The following CEP68 variants were observed in gnomAD, a reference collection of about 807,000 sequenced individuals.
CEP68 encodes centrosomal protein of 68 kDa.
CEP68 carries 26 observed loss-of-function variants against 55.3 expected under a neutral mutation model. The observed-to-expected ratio is 0.47, with a 90% CI of 0.34 to 0.65. The LOEUF is 0.65. CEP68 is among the 30% of genes least tolerant of loss of function. The pLI is 0.01. For synonymous variants in CEP68, 402 were observed against 383.2 expected, an observed-to-expected ratio of 1.05 and a Z score of -0.57; for missense variants, 957 against 946.7, an observed-to-expected ratio of 1.01 and a Z score of -0.14.
chr2:65,061,215 T>A (rs991951540), intron 1 of CEP68, among the ~76,000 whole-genome samples: 19 of 152,138 alleles, frequency 1.2e-4, no homozygotes, highest in African/African-American at 4.6e-4. Flanking sequence ...AGACCTTGCC[T>A]TGTAAATGAG....
chr2:65,074,528 G>A (rs765479374), intron 4 of CEP68, 124 bp downstream of exon 4: 8 of 1,367,432 alleles, frequency 5.9e-6, no homozygotes, highest in East Asian at 2.3e-5. Context: ...TATTATACCT[G>A]AAATCTAATT....
chr2:65,076,983 A>ATTTTAC lies in CEP68; in HGVS notation c.2008-882_2008-881insTACTTT, dbSNP rs1553387261. ...CACCTTGCACTAAGGGTGGTCATGG[A>ATTTTAC]TTTGACTTTACCTTTTTTTTTTTTT... On this transcript the variant is annotated intron_variant, in intron 4 of 6. Transcript: ENST00000377990. 2.8e-5 allele frequency among the ~76,000 whole-genome samples: 4 copies of ATTTTAC among 143,066 alleles called. No homozygotes were observed. The East Asian group carries it at 8.5e-4, about 30-fold the overall frequency. 93.9% of individuals were successfully genotyped at this position (143,066 alleles called of 152,430 possible).
intron 1 of CEP68, among the ~76,000 whole-genome samples, chr2:65,065,029 C>T (rs550827359): frequency 1.3e-5 from 2 of 152,346 alleles, no homozygotes; most frequent in Non-Finnish European, 1.5e-5. Context: ...CCCCAGTTGG[C>T]TCATAAACAG....
chr2:65,076,790 C>G (rs541052429), intron 4 of CEP68, among the ~76,000 whole-genome samples: 13 of 152,034 alleles, frequency 8.6e-5, no homozygotes, highest in Non-Finnish European at 1.9e-4. Context: ...ACACCAAGTT[C>G]TGGCTGGGCA....
At chr2:65,081,855 C>T (rs1304600302) in intron 5 of CEP68, among the ~76,000 whole-genome samples, 3 of 152,308 alleles carry the variant, frequency 2.0e-5, no homozygotes, top group South Asian at 2.1e-4. Flanking sequence ...CCACCACACC[C>T]GGCTAATTTT....
intron 5 of CEP68, 109 bp downstream of exon 5, chr2:65,078,073 C>A: frequency 1.4e-6 from 1 of 739,234 alleles, no homozygotes; most frequent in Non-Finnish European, 2.2e-6. Context: ...AGCCCCTGCC[C>A]ACACCCACTG....
At chr2:65,081,820 G>A (rs1375407162) in intron 5 of CEP68, among the ~76,000 whole-genome samples, 3 of 152,152 alleles carry the variant, frequency 2.0e-5, no homozygotes, top group Non-Finnish European at 4.4e-5. Context: ...TCAGCCTCCC[G>A]TGTAGCTGGG....
rs750744786 is a variant in CEP68, at chr2:65,071,431, T to G, written c.358-23T>G. 3 of 1,597,176 alleles carry G rather than the reference T, an allele frequency of 1.9e-6. No individual in the cohort carries two copies. In the South Asian group the frequency reaches 3.3e-5, roughly 18 times the overall value. On this transcript the variant is annotated intron_variant, in intron 2 of 6. Coordinates refer to ENST00000377990, the MANE Select transcript of CEP68 (RefSeq NM_015147.3). ...TGGGTTTGATTTTTACCCAAGTGCT[T>G]TTTGTCCCTTTGATCATTGCAGGTG... is the stretch of plus-strand genomic sequence containing the variant.
At chr2:65,083,162 A>G (rs1334666355) in intron 6 of CEP68, among the ~76,000 whole-genome samples, 1 of 152,184 alleles carries the variant, frequency 6.6e-6, no homozygotes, top group African/African-American at 2.4e-5. Flanking sequence ...AGAGAAACCC[A>G]GAGTTACTGA....
chr2:65,082,814 A>G, intron 6 of CEP68, 105 bp downstream of exon 6: 3 of 936,656 alleles, frequency 3.2e-6, no homozygotes, highest in Non-Finnish European at 3.1e-6. Context: ...TAAACAAATG[A>G]GATACTGGAA....
At chr2:65,061,038 G>T (rs35706442) in intron 1 of CEP68, among the ~76,000 whole-genome samples, 2,849 of 152,222 alleles carry the variant, frequency 0.019, 30 homozygotes, top group Middle Eastern at 0.027. Flanking sequence ...TTAGCCAGGC[G>T]TGGTGGTGGG....
At chr2:65,067,756 G>C (rs1224389994) in intron 1 of CEP68, among the ~76,000 whole-genome samples, 1 of 152,168 alleles carries the variant, frequency 6.6e-6, no homozygotes, top group Non-Finnish European at 1.5e-5. Context: ...CATTTGAGCT[G>C]TATATTACCT....
intron 1 of CEP68, among the ~76,000 whole-genome samples, chr2:65,068,458 C>T (rs559832709): frequency 5.9e-5 from 9 of 152,332 alleles, no homozygotes; most frequent in African/African-American, 1.9e-4. Flanking sequence ...TACCCTACCA[C>T]TGTTACCCAC....
In CEP68 at chr2:65,071,879, G is replaced by T. The variant is rs765047303; in HGVS notation, c.783G>T (p.Gly261=). 1.2e-6 allele frequency: 2 copies of T among 1,610,954 alleles called. No individual in the cohort carries two copies. The highest frequency in any genetic ancestry group is 1.3e-5 in the African/African-American group (1 of 74,972). Residue 261 remains glycine, a synonymous_variant, in exon 3 of 7, where the codon GGG becomes GGT. Transcript: ENST00000377990. ...TGTTCTCTGGGGGTGATGCTTCTGGGCTAGGCAGGAGACGCCTCTCCTTCC... is the reference window on the plus strand; with the variant it reads ...TGTTCTCTGGGGGTGATGCTTCTGGTCTAGGCAGGAGACGCCTCTCCTTCC... The part of the protein sequence containing the change: ...QPVFSGGDAS[G]LGRRRLSFQA...
intron 5 of CEP68, 66 bp from the exon 6 acceptor site, chr2:65,082,464 TTGAAAA>T (rs1668875036): frequency 7.3e-7 from 1 of 1,377,204 alleles, no homozygotes; most frequent in East Asian, 2.6e-5. Context: ...GTATGTTCTT[TTGAAAA>T]TGCTTACTGG....
At chr2:65,071,284 G>A (rs1256680005) in intron 2 of CEP68, 170 bp from the exon 3 acceptor site, 5 of 608,564 alleles carry the variant, frequency 8.2e-6, no homozygotes, top group Non-Finnish European at 1.4e-5. Flanking sequence ...TCTCAGTGCT[G>A]CTGCTGGCAG....
At chr2:65,071,352 A>T in intron 2 of CEP68, 102 bp from the exon 3 acceptor site, 1 of 981,598 alleles carries the variant, frequency 1.0e-6, no homozygotes, top group Middle Eastern at 2.9e-4. Flanking sequence ...GGTCTTTCCT[A>T]AATACTGTCT....
intron 1 of CEP68, among the ~76,000 whole-genome samples, chr2:65,059,682 C>A (rs913993045): frequency 6.6e-6 from 1 of 152,122 alleles, no homozygotes; most frequent in Middle Eastern, 3.2e-3. Flanking sequence ...TTTAGTTGTT[C>A]CTTCTCAGGG....
chr2:65,069,030 G>C (rs1676331268), intron 1 of CEP68, among the ~76,000 whole-genome samples: 1 of 152,138 alleles, frequency 6.6e-6, no homozygotes, highest in South Asian at 2.1e-4. Context: ...CTATGGGCCT[G>C]TGCACAGGAA....
Sources: allele counts gnomAD v4.1 joint callset (sites outside exome capture counted in the v4.1 genomes callset), GRCh38; gene constraint gnomAD v4.1.1; transcripts MANE v1.5; gene names NCBI Gene and HGNC (gene_info 2026-07-23, HGNC 2026-07-21).